Variants in ZFAND3 observed in about 807,000 individuals in gnomAD.
ZFAND3 encodes the protein AN1-type zinc finger protein 3.
In ZFAND3, 10 loss-of-function variants were observed where a neutral mutation model predicts 29.6. The ratio of observed to expected loss-of-function variants is 0.34; its 90% CI spans 0.21 to 0.57. ZFAND3 has a LOEUF of 0.57. ZFAND3 is among the 20% of genes least tolerant of loss of function. The pLI, the probability that ZFAND3 is intolerant of heterozygous loss-of-function variation, is 0.86. For missense variants in ZFAND3, 230 were observed against 304.5 expected (o/e 0.76, Z 1.82); for synonymous variants, 128 against 112.6 (o/e 1.14, Z -0.87).
chr6:38,099,886 G>A (rs1193468124), intron 4 of ZFAND3, among the ~76,000 whole-genome samples: 4 of 152,102 alleles, frequency 2.6e-5, no homozygotes, highest in Non-Finnish European at 5.9e-5. Context: ...TATGCAGATG[G>A]CTTTTAAAAG....
chr6:38,130,892 C>G (rs1169571712), intron 5 of ZFAND3, among the ~76,000 whole-genome samples: 1 of 152,138 alleles, frequency 6.6e-6, no homozygotes. Flanking sequence ...AGTACCAACT[C>G]TTCTTTGAAT....
At chr6:37,965,922 C>G (rs72850850) in intron 2 of ZFAND3, among the ~76,000 whole-genome samples, 1 of 152,042 alleles carries the variant, frequency 6.6e-6, no homozygotes, top group African/African-American at 2.4e-5. Flanking sequence ...GCTACCATGC[C>G]TGGTTAATGT....
In ZFAND3 at chr6:37,985,246, C is replaced by T. The variant is rs533427749; in HGVS notation, c.112+55247C>T. Among the ~76,000 whole-genome samples, 50 of 152,016 alleles carry T rather than the reference C, an allele frequency of 3.3e-4. 2 individuals are homozygous for T. The South Asian group carries it at 0.01, about 30-fold the overall frequency. On this transcript the variant is annotated intron_variant, in intron 2 of 5. Coordinates refer to ENST00000287218, the MANE Select transcript of ZFAND3 (RefSeq NM_021943.3). The stretch of plus-strand genomic sequence containing the variant: ...GCTGAGATAGGAGGATCACTTGTGT[C>T]CAGGAGTTTGAGGCCAGCCTGGGCA...
At chr6:37,822,047 G>A (rs1763677217) in intron 1 of ZFAND3, among the ~76,000 whole-genome samples, 1 of 152,174 alleles carries the variant, frequency 6.6e-6, no homozygotes, top group African/African-American at 2.4e-5. Flanking sequence ...GTTGGCTAAG[G>A]TGGTCTCAAA....
At chr6:37,906,034 A>G (rs1009677290) in intron 1 of ZFAND3, among the ~76,000 whole-genome samples, 5 of 152,202 alleles carry the variant, frequency 3.3e-5, no homozygotes, top group Non-Finnish European at 7.4e-5. Context: ...TTTTTAAATT[A>G]TGGTATAATA....
intron 2 of ZFAND3, among the ~76,000 whole-genome samples, chr6:38,059,313 CAT>C (rs1363764688): frequency 1.3e-5 from 2 of 151,762 alleles, no homozygotes; most frequent in African/African-American, 2.4e-5. Context: ...GTATTCTTAA[CAT>C]ATTTTAAATT....
At chr6:37,930,230 A>G (rs1020192846) in intron 2 of ZFAND3, among the ~76,000 whole-genome samples, 5 of 152,202 alleles carry the variant, frequency 3.3e-5, no homozygotes, top group African/African-American at 1.2e-4. Context: ...TACTTGCACC[A>G]AACAAACTTT....
chr6:38,116,601 G>A lies in ZFAND3; in HGVS notation c.391G>A (p.Val131Ile). The part of the protein sequence containing the change: ...DSQSENEASP[V>I]KRPRLLENTE... ...ACAGTCTGAGAATGAGGCTTCACCA[G>A]TAAAACGGCCACGACTACTTGAGAA... Residue 131 changes from valine (V) to isoleucine (I), a missense_variant, in exon 5 of 6, where the codon GTA (valine) becomes ATA (isoleucine). By Grantham distance (29) the Val-to-Ile change is conservative. This residue lies in a region of ZFAND3 where 180 missense variants were observed against 202.5 expected (regional missense o/e 0.89). Coordinates refer to ENST00000287218, the MANE Select transcript of ZFAND3 (RefSeq NM_021943.3). 1.2e-6 allele frequency: 2 copies of A among 1,613,502 alleles called. No homozygotes were observed. The highest frequency in any genetic ancestry group is 1.7e-6 in the Non-Finnish European group (2 of 1,179,472).
chr6:38,001,054 A>G (rs200188566), intron 2 of ZFAND3, among the ~76,000 whole-genome samples: 10 of 152,230 alleles, frequency 6.6e-5, no homozygotes, highest in Non-Finnish European at 1.2e-4. Flanking sequence ...TTGAAGGAGA[A>G]TAGGTTGAAG....
intron 2 of ZFAND3, among the ~76,000 whole-genome samples, chr6:37,982,189 G>A (rs1292202514): frequency 6.6e-6 from 1 of 151,128 alleles, no homozygotes; most frequent in Admixed American, 6.6e-5. Context: ...GTGGGCAAAT[G>A]GTGAGGGAGG....
At chr6:37,848,146 A>G (rs1262106761) in intron 1 of ZFAND3, among the ~76,000 whole-genome samples, 1 of 152,162 alleles carries the variant, frequency 6.6e-6, no homozygotes, top group Non-Finnish European at 1.5e-5. Flanking sequence ...TGTTTTGAGA[A>G]CTTTATCCTT....
chr6:38,034,720 T>C (rs1465412997), intron 2 of ZFAND3, among the ~76,000 whole-genome samples: 2 of 152,170 alleles, frequency 1.3e-5, no homozygotes, highest in Non-Finnish European at 1.5e-5. Flanking sequence ...TTTAAAAAGT[T>C]GATCTAGACA....
intron 3 of ZFAND3, among the ~76,000 whole-genome samples, chr6:38,067,979 G>A (rs1764379273): frequency 6.6e-6 from 1 of 152,170 alleles, no homozygotes; most frequent in Non-Finnish European, 1.5e-5. Context: ...CTAGGCAGGA[G>A]AGGAAGAGAA....
chr6:38,104,448 GT>G (rs34602882), intron 4 of ZFAND3, among the ~76,000 whole-genome samples: 6 of 152,088 alleles, frequency 3.9e-5, no homozygotes, highest in East Asian at 1.9e-4. Context: ...ATGGGGAGAA[GT>G]TTTTTTTGTA....
rs1383709057 is a variant in ZFAND3, at chr6:38,106,681, T to G, written c.362-9891T>G. Among the ~76,000 whole-genome samples, 8 of 150,904 alleles carry G rather than the reference T, an allele frequency of 5.3e-5. No individual in the cohort carries two copies. In the East Asian group the frequency reaches 7.8e-4, roughly 15 times the overall value. On this transcript the variant is annotated intron_variant, in intron 4 of 5. Coordinates refer to ENST00000287218, the MANE Select transcript of ZFAND3 (RefSeq NM_021943.3). ...TACCACTTAGTATGGCGCTAGTTGT[T>G]TGTGTGTGTGTGTGTGTGTATATGT...
intron 1 of ZFAND3, among the ~76,000 whole-genome samples, chr6:37,859,537 GATCTTATGGTCTATTTTCAT>G (rs1307942052): frequency 2.0e-5 from 3 of 152,106 alleles, no homozygotes; most frequent in Non-Finnish European, 4.4e-5. Flanking sequence ...CCAATTTTCT[GATCTTATGGTCTATTTTCAT>G]ATCTTATGGT....
chr6:37,883,363 A>G (rs1197033063), intron 1 of ZFAND3, among the ~76,000 whole-genome samples: 1 of 152,198 alleles, frequency 6.6e-6, no homozygotes, highest in African/African-American at 2.4e-5. Context: ...ATCTTACTGT[A>G]CCAGCAATAT....
At chr6:37,870,640 A>T (rs919888159) in intron 1 of ZFAND3, among the ~76,000 whole-genome samples, 1 of 149,234 alleles carries the variant, frequency 6.7e-6, no homozygotes, top group Admixed American at 6.7e-5. Flanking sequence ...ATGACCTTCC[A>T]CTGTCTTTTG....
intron 5 of ZFAND3, among the ~76,000 whole-genome samples, chr6:38,122,014 C>G (rs1165238623): frequency 2.0e-5 from 3 of 152,222 alleles, no homozygotes; most frequent in African/African-American, 7.2e-5. Flanking sequence ...TCAGCATTTA[C>G]TATTTGGCAC....
Sources: allele counts gnomAD v4.1 joint callset (sites outside exome capture counted in the v4.1 genomes callset), GRCh38; gene constraint gnomAD v4.1.1; regional missense constraint gnomAD v4.1.1; transcripts MANE v1.5; gene names NCBI Gene and HGNC (gene_info 2026-07-23, HGNC 2026-07-21).